FKBP1A: variants seen among roughly 807,000 people sequenced by gnomAD.
FKBP1A encodes peptidyl-prolyl cis-trans isomerase FKBP1A.
FKBP1A carries 5 observed loss-of-function variants against 14.2 expected under a neutral mutation model. That is an observed-to-expected ratio of 0.35 (90% CI 0.18 to 0.74). The LOEUF is 0.74. FKBP1A is among the 30% of genes least tolerant of loss of function. The pLI is 0.56. For synonymous variants in FKBP1A, 42 were observed against 49.1 expected, an observed-to-expected ratio of 0.86 and a Z score of 0.60; for missense variants, 53 against 138.8, an observed-to-expected ratio of 0.38 and a Z score of 3.10.
chr20:1,382,947 G>C (rs1248975210), intron 2 of FKBP1A, among the ~76,000 whole-genome samples: 1 of 152,160 alleles, frequency 6.6e-6, no homozygotes, highest in African/African-American at 2.4e-5. Flanking sequence ...CTTTCCTGTT[G>C]CTTTTCAAGG....
chr20:1,371,917 A>T, intron 4 of FKBP1A, 159 bp downstream of exon 4: 1 of 1,400,330 alleles, frequency 7.1e-7, no homozygotes. Context: ...CATTCAAAGC[A>T]TACACTAATA....
intron 2 of FKBP1A, among the ~76,000 whole-genome samples, chr20:1,383,484 C>T (rs2089638046): frequency 6.6e-6 from 1 of 151,982 alleles, no homozygotes; most frequent in South Asian, 2.1e-4. Flanking sequence ...TTTCTACTTT[C>T]AACACGCAGG....
chr20:1,392,363 CG>C (rs2089748239), intron 2 of FKBP1A, among the ~76,000 whole-genome samples: 1 of 152,138 alleles, frequency 6.6e-6, no homozygotes, highest in African/African-American at 2.4e-5. Flanking sequence ...TCTGCAGACT[CG>C]GAATTACCTC....
Position 1,375,674 on chromosome 20 carries a change from G to A in FKBP1A, c.86-71C>T, listed in dbSNP as rs183479286. 86 of 1,096,400 alleles carry A rather than the reference G, an allele frequency of 7.8e-5. No homozygotes were observed. The African/African-American group carries it at 1.3e-3, about 16-fold the overall frequency. The allele number at this position is 1,096,400 out of a possible 1,614,324, so 67.9% of individuals were successfully genotyped here. The stretch of plus-strand genomic sequence containing the variant: ...AGACAAGTCAGAAACCAGCAGCAGA[G>A]CACTCATCAGAGATGCCAGTGCTGA... On this transcript the variant is annotated intron_variant, in intron 2 of 4. Transcript: ENST00000400137.
chr20:1,371,798 G>A, intron 4 of FKBP1A: 1 of 1,097,664 alleles, frequency 9.1e-7, no homozygotes. Context: ...CCTCAATTCA[G>A]TTTTAATTTA....
At chr20:1,384,251 A>G (rs542762613) in intron 2 of FKBP1A, among the ~76,000 whole-genome samples, 1 of 152,332 alleles carries the variant, frequency 6.6e-6, no homozygotes, top group Non-Finnish European at 1.5e-5. Context: ...ATGTAAATCA[A>G]TAAAATGAGT....
rs1471082509 is a variant in FKBP1A at position 1,393,021 on chromosome 20, G to GCGGGCGGCGCGA, written c.-35_-24dup. The GCGGGCGGCGCGA allele has an allele frequency of 7.6e-5, 110 of 1,444,252 alleles. No homozygotes were observed. The highest frequency in any genetic ancestry group is 5.4e-4 in the African/African-American group (36 of 66,270). 89.5% of individuals were successfully genotyped at this position (1,444,252 alleles called of 1,614,324 possible). A position where few individuals can be genotyped will look rare whatever the true frequency, so the allele number is the denominator to read the frequency against. Reference sequence around the variant, plus strand: ...CATGGCGGCGGCGGACGCTGAGCGGGCGGGCGGCGCGACGGGCGGCGTGGA... The same window carrying GCGGGCGGCGCGA: ...CATGGCGGCGGCGGACGCTGAGCGGGCGGGCGGCGCGACGGGCGGCGCGACGGGCGGCGTGGA... On this transcript the variant is annotated 5_prime_UTR_variant, in exon 1 of 5. Coordinates refer to ENST00000400137, the MANE Select transcript of FKBP1A (RefSeq NM_000801.5).
rs991198786 is a variant in FKBP1A, at chr20:1,379,968, T to C, written c.86-4365A>G. ...AATGAGTGTGCATGTGTAGGAATTA[T>C]GCTGTTCAGTCTGTAATGTCAAAAC... On this transcript the variant is annotated intron_variant, in intron 2 of 4. Coordinates refer to ENST00000400137, the MANE Select transcript of FKBP1A (RefSeq NM_000801.5). The surrounding 1 kb of genome is among the most constrained non-coding windows in gnomAD (Gnocchi z 4.3). Among the ~76,000 whole-genome samples, 1 of 152,188 alleles carries C rather than the reference T, an allele frequency of 6.6e-6. No homozygotes were observed. Among genetic ancestry groups the C allele is most frequent in the East Asian group, 1.9e-4 (1 of 5,162 alleles).
Position 1,392,827 on chromosome 20 carries a change from G to A in FKBP1A, c.85+7C>T, listed in dbSNP as rs1433727225. On this transcript the variant is annotated splice_region_variant and intron_variant, in intron 2 of 4. Coordinates refer to ENST00000400137, the MANE Select transcript of FKBP1A (RefSeq NM_000801.5). The stretch of plus-strand genomic sequence containing the variant: ...CGGGCCCCCTCCCCGCTGGGCCCCC[G>A]ACTCACCGGTGTAGTGCACCACGCA... 6.7e-7 allele frequency: 1 copy of A among 1,503,550 alleles called. No homozygotes were observed. Among genetic ancestry groups the A allele is most frequent in the Non-Finnish European group, 8.9e-7 (1 of 1,127,064 alleles). The allele number at this position is 1,503,550 out of a possible 1,614,324, so 93.1% of individuals were successfully genotyped here.
intron 2 of FKBP1A, among the ~76,000 whole-genome samples, chr20:1,387,653 C>T (rs1198504438): frequency 6.6e-6 from 1 of 151,980 alleles, no homozygotes; most frequent in African/African-American, 2.4e-5. Context: ...TGAGACTAGC[C>T]TGGGAAACCT....
rs1397396108 is a variant in FKBP1A at position 1,393,038 on chromosome 20, C to T, written c.-40G>A. ...CTGAGCGGGCGGGCGGCGCGACGGG[C>T]GGCGTGGACCAACAGCGACCTGGCG... On this transcript the variant is annotated 5_prime_UTR_variant, in exon 1 of 5. Coordinates refer to ENST00000400137, the MANE Select transcript of FKBP1A (RefSeq NM_000801.5). 9 of 1,339,498 alleles carry T rather than the reference C, an allele frequency of 6.7e-6. No homozygotes were observed. The highest frequency in any genetic ancestry group is 8.9e-6 in the Non-Finnish European group (9 of 1,009,332). The allele number at this position is 1,339,498 out of a possible 1,614,324, so 83.0% of individuals were successfully genotyped here. A position where few individuals can be genotyped will look rare whatever the true frequency, so the allele number is the denominator to read the frequency against.
intron 2 of FKBP1A, among the ~76,000 whole-genome samples, chr20:1,392,582 GA>G (rs1374345775): frequency 6.6e-6 from 1 of 152,176 alleles, no homozygotes; most frequent in Non-Finnish European, 1.5e-5. Flanking sequence ...CTAAGGTGCA[GA>G]AATGCTTCTG....
rs1163440728 is a variant in FKBP1A at position 1,372,234 on chromosome 20, C to T, written c.205G>A (p.Val69Met). The change falls in exon 4 of 5, where the codon GTG (valine) becomes ATG (methionine). Residue 69 changes from valine to methionine, a missense_variant. Transcript: ENST00000400137. ...ATAGTCAGTTTGGCTCTCTGACCCA[C>T]ACTCATCTGTGAAAAGAACAAGGAA... is the stretch of plus-strand genomic sequence containing the variant. ...GWEEGVAQMS[V>M]GQRAKLTISP... The T allele has an allele frequency of 6.2e-7, 1 of 1,613,724 alleles. No individual in the cohort carries two copies. The highest frequency in any genetic ancestry group is 8.5e-7 in the Non-Finnish European group (1 of 1,179,744).
At chr20:1,388,610 G>A (rs1000291365) in intron 2 of FKBP1A, among the ~76,000 whole-genome samples, 3 of 152,184 alleles carry the variant, frequency 2.0e-5, no homozygotes, top group Non-Finnish European at 2.9e-5. Flanking sequence ...GCTCTTTGGG[G>A]ATCACTGTCC....
intron 2 of FKBP1A, 142 bp from the exon 3 acceptor site, chr20:1,375,745 C>A: frequency 1.5e-6 from 1 of 673,328 alleles, no homozygotes; most frequent in Non-Finnish European, 2.7e-6. Flanking sequence ...TTCCTGTGAC[C>A]TCACTGGACA....
chr20:1,370,853 A>G lies in FKBP1A; in HGVS notation c.*37-781T>C. The stretch of plus-strand genomic sequence containing the variant: ...TCAGCTCTCAAAGAACAGGAAAGGG[A>G]TTTTGGCCTAGGTGCAGACCTCTGG... On this transcript the variant is annotated intron_variant, in intron 4 of 4. Transcript: ENST00000400137. The G allele has an allele frequency of 3.0e-6, 3 of 985,392 alleles. No homozygotes were observed. The African/African-American group carries it at 5.2e-5, about 17-fold the overall frequency. The allele number at this position is 985,392 out of a possible 1,614,324, so 61.0% of individuals were successfully genotyped here. A position where few individuals can be genotyped will look rare whatever the true frequency, so the allele number is the denominator to read the frequency against.
intron 4 of FKBP1A, chr20:1,370,301 T>C (rs1344499565): frequency 1.0e-6 from 1 of 985,304 alleles, no homozygotes. Flanking sequence ...TAATCTAAGG[T>C]TAAGTTTGCC....
intron 2 of FKBP1A, among the ~76,000 whole-genome samples, chr20:1,384,002 A>G (rs1271314346): frequency 6.6e-6 from 1 of 152,148 alleles, no homozygotes; most frequent in Non-Finnish European, 1.5e-5. Flanking sequence ...TTAGACACAG[A>G]AGTTCTCTTA....
chr20:1,372,287 ACTGTCT>A, intron 3 of FKBP1A, 47 bp from the exon 4 acceptor site: 1 of 1,597,032 alleles, frequency 6.3e-7, no homozygotes, highest in Non-Finnish European at 8.6e-7. Context: ...ACATGCCCCA[ACTGTCT>A]CTGTAAGAAA....
Sources: allele counts gnomAD v4.1 joint callset (sites outside exome capture counted in the v4.1 genomes callset), GRCh38; gene constraint gnomAD v4.1.1; non-coding constraint Gnocchi (gnomAD v3.1); transcripts MANE v1.5; gene names NCBI Gene and HGNC (gene_info 2026-07-23, HGNC 2026-07-21).